Variants in STON1 observed in about 807,000 individuals in gnomAD.
STON1 encodes stonin-1.
A neutral mutation model predicts 60.9 loss-of-function variants in STON1; 79 were observed. That is an observed-to-expected ratio of 1.30 (90% CI 1.08 to 1.56). The LOEUF (loss-of-function observed/expected upper bound fraction) is 1.56, where lower values mean the gene tolerates loss of function less well. Among genes scored for constraint, STON1 ranks in the 40% most tolerant of loss-of-function variants. The pLI, the probability that STON1 is intolerant of heterozygous loss-of-function variation, is 0.00. For synonymous variants in STON1, 363 were observed against 306.9 expected (o/e 1.18, Z -1.91); for missense variants, 1,166 against 858.9 (o/e 1.36, Z -4.47).
chr2:48,577,933 CA>C (rs1226679844), intron 1 of STON1, among the ~76,000 whole-genome samples: 7 of 150,542 alleles, frequency 4.6e-5, no homozygotes, highest in African/African-American at 1.7e-4. Context: ...ACCAAAAAAA[CA>C]AAAAACCCCC....
At chr2:48,532,403 G>A (rs1275392256) in intron 1 of STON1, among the ~76,000 whole-genome samples, 3 of 147,078 alleles carry the variant, frequency 2.0e-5, no homozygotes, top group Non-Finnish European at 4.4e-5. Flanking sequence ...ATAGGCAAGT[G>A]TTGTGACTGT....
At chr2:48,534,120 C>T (rs1454494350) in intron 1 of STON1, among the ~76,000 whole-genome samples, 1 of 152,066 alleles carries the variant, frequency 6.6e-6, no homozygotes, top group Non-Finnish European at 1.5e-5. Context: ...TATAATTTTA[C>T]TCTTTGAAAA....
At chr2:48,576,425 A>G (rs1313078826) in intron 1 of STON1, among the ~76,000 whole-genome samples, 1 of 150,774 alleles carries the variant, frequency 6.6e-6, no homozygotes, top group African/African-American at 2.4e-5. Flanking sequence ...CCTGACCTCA[A>G]GTGATCCTCC....
intron 2 of STON1, among the ~76,000 whole-genome samples, chr2:48,589,719 A>AT (rs1354011034): frequency 6.6e-6 from 1 of 152,180 alleles, no homozygotes; most frequent in Non-Finnish European, 1.5e-5. Flanking sequence ...TCCCCAAATA[A>AT]TTTTTTCTTA....
At chr2:48,588,294 GT>G (rs1432658224) in intron 2 of STON1, among the ~76,000 whole-genome samples, 7 of 152,128 alleles carry the variant, frequency 4.6e-5, no homozygotes, top group Admixed American at 1.3e-4. Flanking sequence ...AGAACATAAA[GT>G]TTTTAAAAAG....
chr2:48,546,933 A>G lies in STON1; in HGVS notation c.-48+16717A>G, dbSNP rs199542406. 5.3e-5 allele frequency among the ~76,000 whole-genome samples: 8 copies of G among 152,326 alleles called. No individual in the cohort carries two copies. In the East Asian group the frequency reaches 1.4e-3, roughly 26 times the overall value. On this transcript the variant is annotated intron_variant, in intron 1 of 3. Transcript: ENST00000404752. The stretch of plus-strand genomic sequence containing the variant: ...AACACACACCAAGACATAGATCCCA[A>G]TGGGCAGCTTACTTCAAATCTTACT...
At chr2:48,591,418 A>G (rs1012184739) in intron 2 of STON1, among the ~76,000 whole-genome samples, 3 of 151,950 alleles carry the variant, frequency 2.0e-5, no homozygotes, top group Admixed American at 6.6e-5. Context: ...TCTTATTCAA[A>G]ATAGTAATGA....
At position 48,542,170 on chromosome 2, in the gene STON1, G is replaced by A. The variant is rs75462302; in HGVS notation, c.-48+11954G>A. Among the ~76,000 whole-genome samples, 1,013 of 152,354 alleles carry A rather than the reference G, an allele frequency of 6.6e-3. 9 individuals are homozygous for A. The highest frequency in any genetic ancestry group is 0.037 in the East Asian group (190 of 5,180). On this transcript the variant is annotated intron_variant, in intron 1 of 3. Transcript: ENST00000404752. Reference sequence around the variant, plus strand: ...AGCAATTGATTCTTTACTTGTGGCTGATTCCATCTCTGGGAATGTTGATCC... The same window carrying A: ...AGCAATTGATTCTTTACTTGTGGCTAATTCCATCTCTGGGAATGTTGATCC...
At chr2:48,567,687 G>A (rs752400855) in intron 1 of STON1, among the ~76,000 whole-genome samples, 14 of 152,214 alleles carry the variant, frequency 9.2e-5, no homozygotes, top group Admixed American at 2.0e-4. Context: ...ACAGGCGTGA[G>A]CCACTGCACC....
intron 1 of STON1, among the ~76,000 whole-genome samples, chr2:48,576,128 A>G (rs1308297078): frequency 2.0e-5 from 3 of 151,394 alleles, no homozygotes; most frequent in Admixed American, 6.6e-5. Flanking sequence ...ATTGCCAGCA[A>G]CAATGCACAA....
chr2:48,544,556 G>GTTTTGT (rs1553355346), intron 1 of STON1, among the ~76,000 whole-genome samples: 3 of 151,914 alleles, frequency 2.0e-5, no homozygotes, highest in Non-Finnish European at 4.4e-5. Flanking sequence ...GTTTTGTTTT[G>GTTTTGT]TTTTTTTGAG....
At chr2:48,579,989 C>T (rs1364014946) in intron 1 of STON1, among the ~76,000 whole-genome samples, 1 of 152,202 alleles carries the variant, frequency 6.6e-6, no homozygotes, top group East Asian at 1.9e-4. Flanking sequence ...TCACTGCAAC[C>T]TCTGCCTCCC....
At chr2:48,584,050 A>G (rs1159984487) in intron 2 of STON1, among the ~76,000 whole-genome samples, 1 of 152,056 alleles carries the variant, frequency 6.6e-6, no homozygotes, top group Admixed American at 6.6e-5. Flanking sequence ...TGCCCGGCCC[A>G]TCCATCCAAA....
At chr2:48,590,612 T>G (rs1483625057) in intron 2 of STON1, among the ~76,000 whole-genome samples, 1 of 108,986 alleles carries the variant, frequency 9.2e-6, no homozygotes, top group Non-Finnish European at 1.9e-5. Context: ...GTGATTACAA[T>G]GAAAATATTG....
chr2:48,575,754 TGTTTG>T (rs1673452837), intron 1 of STON1, among the ~76,000 whole-genome samples: 6 of 117,322 alleles, frequency 5.1e-5, no homozygotes, highest in South Asian at 2.7e-4. Flanking sequence ...TTTTAGTTTT[TGTTTG>T]TTTTTTTTTT....
At chr2:48,563,345 A>G (rs1223746640) in intron 1 of STON1, among the ~76,000 whole-genome samples, 1 of 152,202 alleles carries the variant, frequency 6.6e-6, no homozygotes, top group Non-Finnish European at 1.5e-5. Context: ...CAAAAGCAAG[A>G]GCTCATTCCA....
intron 1 of STON1, among the ~76,000 whole-genome samples, chr2:48,570,338 TA>T (rs1033636588): frequency 3.4e-4 from 49 of 145,650 alleles, no homozygotes; most frequent in South Asian, 8.7e-4. Flanking sequence ...AGTCTCAAAT[TA>T]AAAAAAAAAA....
At chr2:48,589,237 C>G (rs1674382176) in intron 2 of STON1, among the ~76,000 whole-genome samples, 2 of 152,098 alleles carry the variant, frequency 1.3e-5, no homozygotes, top group South Asian at 4.1e-4. Flanking sequence ...AGTTCAGTTT[C>G]AGGTGTAAAA....
rs1301700110 is a variant in STON1 at position 48,595,633 on chromosome 2, C to T, written c.*331C>T. 3.4e-6 allele frequency: 1 copy of T among 294,870 alleles called. No homozygotes were observed. Among genetic ancestry groups the T allele is most frequent in the East Asian group, 1.0e-4 (1 of 9,840 alleles). The allele number at this position is 294,870 out of a possible 1,614,324, so 18.3% of individuals were successfully genotyped here. ...ACTCAGTGGCTGACTGTTTTGCTCTCTGGATTACTGAGGTGCCGTCTTCAT... is the reference window on the plus strand; with the variant it reads ...ACTCAGTGGCTGACTGTTTTGCTCTTTGGATTACTGAGGTGCCGTCTTCAT... On this transcript the variant is annotated 3_prime_UTR_variant, in exon 4 of 4. Coordinates refer to ENST00000404752, the MANE Select transcript of STON1 (RefSeq NM_006873.4).
Sources: allele counts gnomAD v4.1 joint callset (sites outside exome capture counted in the v4.1 genomes callset), GRCh38; gene constraint gnomAD v4.1.1; transcripts MANE v1.5; gene names NCBI Gene and HGNC (gene_info 2026-07-23, HGNC 2026-07-21).